The following ELOVL2 variants were observed in gnomAD, a reference collection of about 807,000 sequenced individuals.
The protein encoded by ELOVL2 is very long chain fatty acid elongase 2.
ELOVL2 carries 38 observed loss-of-function variants against 37.7 expected under a neutral mutation model. The ratio of observed to expected loss-of-function variants is 1.01; its 90% CI spans 0.78 to 1.32. The LOEUF (loss-of-function observed/expected upper bound fraction) is 1.32, where lower values mean the gene tolerates loss of function less well. Ranked by LOEUF, ELOVL2 falls within the 40% of genes most tolerant of loss-of-function variation. ELOVL2 has a pLI of 0.00. For missense variants in ELOVL2, 352 were observed against 363.6 expected (o/e 0.97, Z 0.26); for synonymous variants, 115 against 122.3 (o/e 0.94, Z 0.40).
At chr6:11,035,663 T>C (rs1375527870) in intron 1 of ELOVL2, among the ~76,000 whole-genome samples, 1 of 152,244 alleles carries the variant, frequency 6.6e-6, no homozygotes, top group African/African-American at 2.4e-5. Flanking sequence ...TTTTTTGTCA[T>C]AATATTACTA....
chr6:11,003,516 T>C (rs529737350), intron 3 of ELOVL2, among the ~76,000 whole-genome samples: 1 of 152,342 alleles, frequency 6.6e-6, no homozygotes, highest in Non-Finnish European at 1.5e-5. Context: ...TAGTATTCCA[T>C]GGTGTATATG....
intron 6 of ELOVL2, among the ~76,000 whole-genome samples, chr6:10,990,058 A>G (rs946033990): frequency 6.6e-6 from 1 of 152,256 alleles, no homozygotes; most frequent in Non-Finnish European, 1.5e-5. Flanking sequence ...AGTTAAAATT[A>G]TTTAGACAAA....
At chr6:10,984,371 T>C (rs958715429) in intron 7 of ELOVL2, among the ~76,000 whole-genome samples, 33 of 152,014 alleles carry the variant, frequency 2.2e-4, no homozygotes, top group Admixed American at 2.1e-3. Context: ...TTTTTTATTA[T>C]TATTATACTT....
Position 11,014,397 on chromosome 6 carries a change from T to C in ELOVL2, c.4-3588A>G, listed in dbSNP as rs540249584. 4.9e-4 allele frequency among the ~76,000 whole-genome samples: 74 copies of C among 150,696 alleles called. 1 individual carries two copies. Among genetic ancestry groups the C allele is most frequent in the African/African-American group, 1.7e-3 (68 of 40,874 alleles). The stretch of plus-strand genomic sequence containing the variant: ...AGAAGGCTGAGGCGGGAGAATCACT[T>C]GAATGCAGGAGGCGGAGGTTGCAGT... On this transcript the variant is annotated intron_variant, in intron 1 of 7. Transcript: ENST00000354666.
chr6:11,008,687 A>C (rs1581870348), intron 2 of ELOVL2, among the ~76,000 whole-genome samples: 1 of 152,216 alleles, frequency 6.6e-6, no homozygotes, highest in East Asian at 1.9e-4. Flanking sequence ...ACATAGTAAA[A>C]GTAGGTTAGA....
At chr6:11,009,957 AG>A (rs1782544119) in intron 2 of ELOVL2, among the ~76,000 whole-genome samples, 1 of 151,970 alleles carries the variant, frequency 6.6e-6, no homozygotes, top group Admixed American at 6.6e-5. Flanking sequence ...CTGGTGATGA[AG>A]GAAAGATGGA....
rs1429651775 is a variant in ELOVL2, at chr6:10,981,280, T to G, written c.*2501A>C. The stretch of plus-strand genomic sequence containing the variant: ...TTTGAGAGAAAACATTCTCCATTTT[T>G]TTTAATAGATTATAGAAATATTAAT... On this transcript the variant is annotated 3_prime_UTR_variant, in exon 8 of 8. Transcript: ENST00000354666. 4 of 152,626 alleles carry G rather than the reference T, an allele frequency of 2.6e-5. No homozygotes were observed. The highest frequency in any genetic ancestry group is 5.9e-5 in the Non-Finnish European group (4 of 68,052). The allele number at this position is 152,626 out of a possible 1,614,324, so 9.5% of individuals were successfully genotyped here. A position where few individuals can be genotyped will look rare whatever the true frequency, so the allele number is the denominator to read the frequency against.
chr6:11,018,655 T>C (rs976244374), intron 1 of ELOVL2, among the ~76,000 whole-genome samples: 1 of 152,238 alleles, frequency 6.6e-6, no homozygotes, highest in African/African-American at 2.4e-5. Flanking sequence ...ATACTGAAGC[T>C]GCTGGGCTAA....
At chr6:11,005,318 G>A (rs1782460722) in intron 3 of ELOVL2, 54 bp downstream of exon 3, 62 of 1,510,646 alleles carry the variant, frequency 4.1e-5, no homozygotes, top group Non-Finnish European at 5.3e-5. Flanking sequence ...GGTTGTTTCT[G>A]TTAATAAAAA....
intron 3 of ELOVL2, among the ~76,000 whole-genome samples, chr6:11,001,725 C>T (rs1440996497): frequency 1.3e-5 from 2 of 152,182 alleles, no homozygotes; most frequent in Non-Finnish European, 2.9e-5. Flanking sequence ...AACTACCTGA[C>T]AATTATGAAT....
chr6:11,027,676 AC>A (rs1250116922), intron 1 of ELOVL2, among the ~76,000 whole-genome samples: 1 of 151,144 alleles, frequency 6.6e-6, no homozygotes, highest in Non-Finnish European at 1.5e-5. Context: ...GTATTAATTC[AC>A]CCCCTGCTTT....
At chr6:11,034,515 T>C (rs1038172779) in intron 1 of ELOVL2, among the ~76,000 whole-genome samples, 10 of 97,274 alleles carry the variant, frequency 1.0e-4, no homozygotes, top group African/African-American at 2.6e-4. Context: ...AAACCCCATC[T>C]CTACTAAAAA....
chr6:11,008,611 G>GGAGA (rs1181977912), intron 2 of ELOVL2, among the ~76,000 whole-genome samples: 1 of 152,042 alleles, frequency 6.6e-6, no homozygotes, highest in Non-Finnish European at 1.5e-5. Context: ...CATGCCTAAG[G>GGAGA]GAGAGGGTCA....
chr6:11,031,124 A>C (rs909863094), intron 1 of ELOVL2, among the ~76,000 whole-genome samples: 29 of 152,268 alleles, frequency 1.9e-4, no homozygotes, highest in African/African-American at 6.7e-4. Context: ...GCTCTGGCTC[A>C]TTCACTGTAA....
At chr6:11,021,710 T>G (rs1246605496) in intron 1 of ELOVL2, among the ~76,000 whole-genome samples, 1 of 152,234 alleles carries the variant, frequency 6.6e-6, no homozygotes, top group African/African-American at 2.4e-5. Context: ...TACCAAGGTT[T>G]AAAAATTATT....
At chr6:11,019,356 G>C (rs923279990) in intron 1 of ELOVL2, among the ~76,000 whole-genome samples, 1 of 151,302 alleles carries the variant, frequency 6.6e-6, no homozygotes, top group Non-Finnish European at 1.5e-5. Flanking sequence ...CCTTTATTCA[G>C]ATTACTAATA....
rs1210450795 is a variant in ELOVL2 at position 11,044,201 on chromosome 6, T to C, written c.3+27A>G. 2.1e-6 allele frequency: 3 copies of C among 1,449,988 alleles called. No homozygotes were observed. Among genetic ancestry groups the C allele is most frequent in the South Asian group, 1.4e-5 (1 of 72,412 alleles). The allele number at this position is 1,449,988 out of a possible 1,614,324, so 89.8% of individuals were successfully genotyped here. A position where few individuals can be genotyped will look rare whatever the true frequency, so the allele number is the denominator to read the frequency against. The stretch of plus-strand genomic sequence containing the variant: ...AGGAGAGAAAGAAAGCGCGGCGGTG[T>C]CGGTGGCGGCGCGCGGCCCCACTCA... On this transcript the variant is annotated intron_variant, in intron 1 of 7. Coordinates refer to ENST00000354666, the MANE Select transcript of ELOVL2 (RefSeq NM_017770.4). This position sits in a 1 kb window ranked among gnomAD's most constrained non-coding sequence, Gnocchi z 5.6.
chr6:11,044,217 GC>G lies in ELOVL2; in HGVS notation c.3+10del. Reference sequence around the variant, plus strand: ...GCGGCGGTGTCGGTGGCGGCGCGCGGCCCCACTCACCATGATCCGCAGCGGC... The same window carrying G: ...GCGGCGGTGTCGGTGGCGGCGCGCGGCCCACTCACCATGATCCGCAGCGGC... On this transcript the variant is annotated intron_variant, in intron 1 of 7. Coordinates refer to ENST00000354666, the MANE Select transcript of ELOVL2 (RefSeq NM_017770.4). The surrounding 1 kb of genome is among the most constrained non-coding windows in gnomAD (Gnocchi z 5.6). 1 of 1,435,064 alleles carries G rather than the reference GC, an allele frequency of 7.0e-7. No homozygotes were observed. The highest frequency in any genetic ancestry group is 9.2e-7 in the Non-Finnish European group (1 of 1,092,410). 88.9% of individuals were successfully genotyped at this position (1,435,064 alleles called of 1,614,324 possible).
chr6:11,026,691 C>T (rs1433843302), intron 1 of ELOVL2, among the ~76,000 whole-genome samples: 1 of 152,178 alleles, frequency 6.6e-6, no homozygotes, highest in Non-Finnish European at 1.5e-5. Flanking sequence ...TGTCCACACT[C>T]TTACCTCGTA....
Sources: gnomAD v4.1 joint callset for allele counts (sites outside exome capture counted in the v4.1 genomes callset) on GRCh38, gnomAD v4.1.1 for gene constraint, Gnocchi (gnomAD v3.1) non-coding constraint, MANE v1.5 for transcripts, NCBI Gene and HGNC (gene_info 2026-07-23, HGNC 2026-07-21) for gene names.